NRSN1: variants seen among roughly 807,000 people sequenced by gnomAD.
The protein encoded by NRSN1 is neurensin 1.
NRSN1 carries 14 observed loss-of-function variants against 17.3 expected under a neutral mutation model. The observed-to-expected ratio is 0.81, with a 90% CI of 0.54 to 1.27. The LOEUF (loss-of-function observed/expected upper bound fraction) is 1.27. NRSN1 is among the 50% of genes most tolerant of loss of function. The probability of loss-of-function intolerance (pLI) is 0.00; values close to 1 mark genes in which losing one functional copy is unlikely to be tolerated. For synonymous variants in NRSN1, 79 were observed against 94.2 expected (o/e 0.84, Z 0.93); for missense variants, 209 against 235.9 (o/e 0.89, Z 0.75).
rs145014498 is a variant in NRSN1, at chr6:24,130,649, C to T, written c.-10+2449C>T. On this transcript the variant is annotated intron_variant, in intron 2 of 3. Coordinates refer to ENST00000378491, the MANE Select transcript of NRSN1 (RefSeq NM_080723.5). Reference sequence around the variant, plus strand: ...CTGAAGTAACTTGTTAAACAACATACGAACATTTAGTCTACCTAGTAGCAA... The same window carrying T: ...CTGAAGTAACTTGTTAAACAACATATGAACATTTAGTCTACCTAGTAGCAA... Among the ~76,000 whole-genome samples the T allele has an allele frequency of 6.6e-3, 1,002 of 152,192 alleles. 8 individuals are homozygous for T. The highest frequency in any genetic ancestry group is 0.01 in the Non-Finnish European group (711 of 67,992).
At position 24,128,170 on chromosome 6, in the gene NRSN1, C is replaced by T. The variant is rs1759978345; in HGVS notation, c.-40C>T. On this transcript the variant is annotated 5_prime_UTR_variant, in exon 2 of 4. Coordinates refer to ENST00000378491, the MANE Select transcript of NRSN1 (RefSeq NM_080723.5). ...TTAAAAGGAAAGATCAAGGAGTAAA[C>T]CAGAAGAAGAAGAAAAAGAGGACTT... is the stretch of plus-strand genomic sequence containing the variant. 6.6e-6 allele frequency: 1 copy of T among 151,810 alleles called. No individual in the cohort carries two copies. The highest frequency in any genetic ancestry group is 2.4e-5 in the African/African-American group (1 of 41,298). The allele number at this position is 151,810 out of a possible 1,614,324, so 9.4% of individuals were successfully genotyped here.
chr6:24,141,033 C>A (rs1253754584), intron 3 of NRSN1: 1 of 1,473,490 alleles, frequency 6.8e-7, no homozygotes, highest in East Asian at 2.7e-5. Flanking sequence ...CCTGGAGAGG[C>A]CCTTCTCTGT....
chr6:24,145,134 G>T lies in NRSN1; in HGVS notation c.190-414G>T, dbSNP rs1760281061. ...TATATATATAATATACATATCTTTAGACATATAATATATAATATATATATC... is the reference window on the plus strand; with the variant it reads ...TATATATATAATATACATATCTTTATACATATAATATATAATATATATATC... On this transcript the variant is annotated intron_variant, in intron 3 of 3. Transcript: ENST00000378491. This position sits in a 1 kb window ranked among gnomAD's most constrained non-coding sequence, Gnocchi z 4.4. Among the ~76,000 whole-genome samples, 1 of 136,992 alleles carries T rather than the reference G, an allele frequency of 7.3e-6. No individual in the cohort carries two copies. The highest frequency in any genetic ancestry group is 2.7e-5 in the African/African-American group (1 of 36,952). 89.9% of individuals were successfully genotyped at this position (136,992 alleles called of 152,430 possible). A position where few individuals can be genotyped will look rare whatever the true frequency, so the allele number is the denominator to read the frequency against.
chr6:24,145,534 T>G lies in NRSN1; in HGVS notation c.190-14T>G. On this transcript the variant is annotated splice_polypyrimidine_tract_variant and intron_variant, in intron 3 of 3. Transcript: ENST00000378491. The surrounding 1 kb of genome is among the most constrained non-coding windows in gnomAD (Gnocchi z 4.4). ...TCCTCACTCTATCTTGCTTCTGTCA[T>G]TATCTACCTGTAGGTTGGACTCATC... 1.9e-6 allele frequency: 3 copies of G among 1,558,134 alleles called. No homozygotes were observed. The highest frequency in any genetic ancestry group is 1.2e-5 in the South Asian group (1 of 81,424).
Position 24,146,283 on chromosome 6 carries a change from A to G in NRSN1, c.*337A>G, listed in dbSNP as rs1760304457. On this transcript the variant is annotated 3_prime_UTR_variant, in exon 4 of 4. Transcript: ENST00000378491. ...CCGAACAGTTTAGACCAGCTCACCAATGGCTAATGTGGTCCATTTTATTTT... is the reference window on the plus strand; with the variant it reads ...CCGAACAGTTTAGACCAGCTCACCAGTGGCTAATGTGGTCCATTTTATTTT... 1.8e-6 allele frequency: 1 copy of G among 555,180 alleles called. No individual in the cohort carries two copies. The highest frequency in any genetic ancestry group is 3.5e-6 in the Non-Finnish European group (1 of 282,390). The allele number at this position is 555,180 out of a possible 1,614,324, so 34.4% of individuals were successfully genotyped here.
At chr6:24,140,851 C>A in intron 3 of NRSN1, 1 of 1,294,672 alleles carries the variant, frequency 7.7e-7, no homozygotes, top group Non-Finnish European at 9.8e-7. Context: ...AGTCTCTGGC[C>A]TGTAGCCCCC....
At chr6:24,137,688 C>T (rs958423801) in intron 3 of NRSN1, among the ~76,000 whole-genome samples, 1 of 152,082 alleles carries the variant, frequency 6.6e-6, no homozygotes, top group Non-Finnish European at 1.5e-5. Flanking sequence ...CCCACTCCCC[C>T]AACCCCGCAG....
At chr6:24,129,407 G>C (rs889723996) in intron 2 of NRSN1, 9 of 152,214 alleles carry the variant, frequency 5.9e-5, no homozygotes, top group African/African-American at 2.2e-4. Flanking sequence ...GAACTCTGCA[G>C]GAAGTTTCAA....
At position 24,145,895 on chromosome 6, in the gene NRSN1, T is replaced by A. The variant is rs375660008; in HGVS notation, c.537T>A (p.Ile179=). 145 of 1,613,780 alleles carry A rather than the reference T, an allele frequency of 9.0e-5. 1 individual carries two copies. The African/African-American group carries it at 1.8e-3, about 20-fold the overall frequency. ...TKAPGPGETK[I]PVTLSRVQNV... ...CTCCAGGGCCAGGGGAAACAAAGAT[T>A]CCAGTCACTTTGTCCAGGGTTCAAA... Residue 179 remains isoleucine (I), a synonymous_variant, in exon 4 of 4, where the codon ATT becomes ATA. Transcript: ENST00000378491. The surrounding 1 kb of genome is among the most constrained non-coding windows in gnomAD (Gnocchi z 4.4).
At chr6:24,136,748 T>A (rs1344403566) in intron 3 of NRSN1, among the ~76,000 whole-genome samples, 2 of 152,232 alleles carry the variant, frequency 1.3e-5, no homozygotes, top group Admixed American at 6.5e-5. Flanking sequence ...AATTCATATT[T>A]CATTATTTTC....
chr6:24,144,916 A>C (rs1477467517), intron 3 of NRSN1, among the ~76,000 whole-genome samples: 1 of 151,552 alleles, frequency 6.6e-6, no homozygotes, highest in Non-Finnish European at 1.5e-5. Context: ...TCTTTTCCTC[A>C]AGACCAAATG....
At chr6:24,133,858 A>C (rs954577862) in intron 2 of NRSN1, among the ~76,000 whole-genome samples, 1 of 152,098 alleles carries the variant, frequency 6.6e-6, no homozygotes, top group African/African-American at 2.4e-5. Context: ...TTTTATTGAG[A>C]CGGAGTCTCA....
At chr6:24,131,957 T>A (rs1760039705) in intron 2 of NRSN1, among the ~76,000 whole-genome samples, 1 of 151,728 alleles carries the variant, frequency 6.6e-6, no homozygotes, top group South Asian at 2.1e-4. Context: ...GGAGTGCAGG[T>A]GTGGGTGTGT....
chr6:24,141,459 A>G (rs766619330), intron 3 of NRSN1: 6 of 199,006 alleles, frequency 3.0e-5, no homozygotes, highest in Non-Finnish European at 5.9e-5. Flanking sequence ...GAATTCCCCA[A>G]TGGGTGCATC....
In NRSN1 at chr6:24,145,114, ATATAATATAC is replaced by A. The variant is rs1012437911; in HGVS notation, c.190-433_190-424del. On this transcript the variant is annotated intron_variant, in intron 3 of 3. Coordinates refer to ENST00000378491, the MANE Select transcript of NRSN1 (RefSeq NM_080723.5). This position sits in a 1 kb window ranked among gnomAD's most constrained non-coding sequence, Gnocchi z 4.4. ...ATTTTATATATATCTTTAGATATAT[ATATAATATAC>A]ATATCTTTAGACATATAATATATAA... 6.2e-5 allele frequency among the ~76,000 whole-genome samples: 9 copies of A among 145,232 alleles called. No homozygotes were observed. In the East Asian group the frequency reaches 1.8e-3, roughly 28 times the overall value.
rs1274678295 is a variant in NRSN1, at chr6:24,145,911, A to G, written c.553A>G (p.Arg185Gly). The change falls in exon 4 of 4, where the codon AGG (arginine) becomes GGG (glycine). Residue 185 changes from arginine to glycine, a missense_variant. Transcript: ENST00000378491. This position sits in a 1 kb window ranked among gnomAD's most constrained non-coding sequence, Gnocchi z 4.4. ...AACAAAGATTCCAGTCACTTTGTCC[A>G]GGGTTCAAAATGTCCAGCCTCTACT... Reference protein sequence around the residue: ...GETKIPVTLSRVQNVQPLLAT With the variant: ...GETKIPVTLSGVQNVQPLLAT 13 of 1,613,030 alleles carry G rather than the reference A, an allele frequency of 8.1e-6. No homozygotes were observed. Among genetic ancestry groups the G allele is most frequent in the Non-Finnish European group, 1.0e-5 (12 of 1,179,780 alleles).
In NRSN1 at chr6:24,147,352, CCCCTT is replaced by C. The variant is rs1363756756; in HGVS notation, c.*1407_*1411del. On this transcript the variant is annotated 3_prime_UTR_variant, in exon 4 of 4. Coordinates refer to ENST00000378491, the MANE Select transcript of NRSN1 (RefSeq NM_080723.5). Reference sequence around the variant, plus strand: ...AAAATTGTGCCACCTTAGAGCCCCCCCCCTTTTTTTTTTCTTCCTTCACTGGATAA... The same window carrying C: ...AAAATTGTGCCACCTTAGAGCCCCCCTTTTTTTTCTTCCTTCACTGGATAA... 6.6e-6 allele frequency: 1 copy of C among 150,818 alleles called. No homozygotes were observed. Among genetic ancestry groups the C allele is most frequent in the Non-Finnish European group, 1.5e-5 (1 of 67,754 alleles). 9.3% of individuals were successfully genotyped at this position (150,818 alleles called of 1,614,324 possible).
chr6:24,143,086 T>C (rs922393747), intron 3 of NRSN1, among the ~76,000 whole-genome samples: 5 of 152,190 alleles, frequency 3.3e-5, no homozygotes, highest in Non-Finnish European at 7.3e-5. Context: ...AGAGTGCTGA[T>C]TGGTGAGTTT....
chr6:24,143,014 G>A (rs796981841), intron 3 of NRSN1, among the ~76,000 whole-genome samples: 3 of 152,240 alleles, frequency 2.0e-5, no homozygotes, highest in Admixed American at 6.5e-5. Flanking sequence ...GACACAGAGC[G>A]CTGATTGGTG....
Sources: gnomAD v4.1 joint callset for allele counts (sites outside exome capture counted in the v4.1 genomes callset) on GRCh38, gnomAD v4.1.1 for gene constraint, Gnocchi (gnomAD v3.1) non-coding constraint, MANE v1.5 for transcripts, NCBI Gene and HGNC (gene_info 2026-07-23, HGNC 2026-07-21) for gene names.